EVL: variants seen among roughly 807,000 people sequenced by gnomAD.
EVL encodes Enah/Vasp-like, also known as ena/VASP-like protein.
In EVL, 21 loss-of-function variants were observed where a neutral mutation model predicts 59.6. The ratio of observed to expected loss-of-function variants is 0.35; its 90% CI spans 0.25 to 0.51. The LOEUF (loss-of-function observed/expected upper bound fraction) is 0.51. Among genes scored for constraint, EVL ranks in the 20% least tolerant of loss-of-function variants. EVL has a pLI of 0.97. For synonymous variants in EVL, 198 were observed against 203.5 expected (o/e 0.97, Z 0.23); for missense variants, 462 against 546.6 (o/e 0.85, Z 1.54).
At position 100,128,532 on chromosome 14, in the gene EVL, A is replaced by G. The variant is rs1262994674; in HGVS notation, c.501A>G (p.Pro167=). The G allele has an allele frequency of 6.2e-7, 1 of 1,611,360 alleles. No individual in the cohort carries two copies. ...RRTSATGPIL[P]PGHPSSAASA... ...GTTGTGTTTCAGGGCCCATCCTCCC[A>G]CCAGGACATCCTTCATCTGCAGCCA... is the stretch of plus-strand genomic sequence containing the variant. The change falls in exon 6 of 14, where the codon CCA becomes CCG. Residue 167 remains proline, a synonymous_variant. Coordinates refer to ENST00000392920, the MANE Select transcript of EVL (RefSeq NM_016337.3).
intron 1 of EVL, among the ~76,000 whole-genome samples, chr14:100,040,566 AAGG>A (rs1274100390): frequency 6.6e-6 from 1 of 152,198 alleles, no homozygotes; most frequent in Non-Finnish European, 1.5e-5. Context: ...CAACCTGAGA[AAGG>A]AGGTCTTCCT....
At chr14:100,136,074 G>T (rs560384400) in intron 9 of EVL, 106 bp downstream of exon 9, 439 of 1,300,210 alleles carry the variant, frequency 3.4e-4, no homozygotes, top group Non-Finnish European at 4.2e-4. Context: ...GTATGCCTGA[G>T]CAGAGGGCCA....
Position 100,108,528 on chromosome 14 carries a change from C to T in EVL, c.358+10870C>T, listed in dbSNP as rs1307926691. Among the ~76,000 whole-genome samples, 1 of 152,156 alleles carries T rather than the reference C, an allele frequency of 6.6e-6. No homozygotes were observed. The highest frequency in any genetic ancestry group is 2.4e-5 in the African/African-American group (1 of 41,434). ...CACTTTCTGAAAGCCGGATATGTCTCTTTGCTGACCCACCCCTGTTCTCAC... is the reference window on the plus strand; with the variant it reads ...CACTTTCTGAAAGCCGGATATGTCTTTTTGCTGACCCACCCCTGTTCTCAC... On this transcript the variant is annotated intron_variant, in intron 3 of 13. Transcript: ENST00000392920. This position sits in a 1 kb window ranked among gnomAD's most constrained non-coding sequence, Gnocchi z 4.1.
In EVL at chr14:100,126,779, C is replaced by A; in HGVS notation, c.487+8C>A. 6.2e-7 allele frequency: 1 copy of A among 1,613,140 alleles called. No individual in the cohort carries two copies. The highest frequency in any genetic ancestry group is 8.5e-7 in the Non-Finnish European group (1 of 1,179,700). ...GAAGAACCTCGGCCACAGGTGAGAG[C>A]CCTCCTCCCCTAGGGCCGACTCCCA... On this transcript the variant is annotated splice_region_variant and intron_variant, in intron 5 of 13. Transcript: ENST00000392920.
chr14:100,011,854 G>A (rs2061019045), intron 1 of EVL, among the ~76,000 whole-genome samples: 3 of 152,164 alleles, frequency 2.0e-5, no homozygotes. Flanking sequence ...TTTTGTTGTT[G>A]TTAATAGTAC....
chr14:100,097,846 TG>T (rs1197802090), intron 3 of EVL, 188 bp downstream of exon 3: 1 of 526,434 alleles, frequency 1.9e-6, no homozygotes, highest in Non-Finnish European at 3.3e-6. Context: ...GAGGAAAGAA[TG>T]GAGTTTGTAT....
intron 1 of EVL, among the ~76,000 whole-genome samples, chr14:100,015,742 T>C (rs1445918296): frequency 6.6e-6 from 1 of 152,154 alleles, no homozygotes; most frequent in East Asian, 1.9e-4. Flanking sequence ...CAGTTGTATG[T>C]ATTAGGGTTC....
chr14:100,083,965 C>T (rs372714734), intron 1 of EVL, among the ~76,000 whole-genome samples: 65 of 151,600 alleles, frequency 4.3e-4, no homozygotes, highest in African/African-American at 1.5e-3. Flanking sequence ...TTTTTCTCAT[C>T]TAAAAAAATG....
chr14:99,971,459 C>G (rs915641109), exon 1 of EVL: 1 of 151,880 alleles, frequency 6.6e-6, no homozygotes, highest in Non-Finnish European at 1.5e-5. Flanking sequence ...GGTGGGGCCC[C>G]GCGCCTTTTG....
At chr14:100,056,121 C>T (rs796069568) in intron 1 of EVL, among the ~76,000 whole-genome samples, 36 of 151,850 alleles carry the variant, frequency 2.4e-4, no homozygotes, top group African/African-American at 8.2e-4. Flanking sequence ...ACGTTGTTTT[C>T]GTATCAGTTC....
chr14:100,040,484 C>T (rs1173216591), intron 1 of EVL, among the ~76,000 whole-genome samples: 2 of 152,262 alleles, frequency 1.3e-5, no homozygotes, highest in East Asian at 1.9e-4. Context: ...TGTGGCTGCT[C>T]GTCTGCCCCT....
intron 1 of EVL, among the ~76,000 whole-genome samples, chr14:99,985,032 CGT>C (rs2140173350): frequency 6.6e-6 from 1 of 152,160 alleles, no homozygotes; most frequent in East Asian, 1.9e-4. Context: ...TATATAACAA[CGT>C]TAAGTTGTTA....
intron 1 of EVL, among the ~76,000 whole-genome samples, chr14:100,021,680 C>T (rs189427936): frequency 5.3e-5 from 8 of 152,172 alleles, no homozygotes; most frequent in African/African-American, 1.4e-4. Context: ...AGATCTGGGG[C>T]GAGGCCTAAG....
intron 1 of EVL, among the ~76,000 whole-genome samples, chr14:100,071,034 G>T (rs1013813540): frequency 1.3e-5 from 2 of 152,154 alleles, no homozygotes; most frequent in Non-Finnish European, 2.9e-5. Context: ...CCAACAGTTG[G>T]TTGGAGTGTT....
At chr14:100,085,723 T>G (rs568675481) in intron 2 of EVL, among the ~76,000 whole-genome samples, 74 of 152,288 alleles carry the variant, frequency 4.9e-4, no homozygotes, top group African/African-American at 1.7e-3. Context: ...GGGTTCTGTT[T>G]TTAGTGTGTT....
rs1888308306 is a variant in EVL, at chr14:100,129,689, G to T, written c.839+5G>T. On this transcript the variant is annotated splice_donor_5th_base_variant and intron_variant, in intron 7 of 13. Transcript: ENST00000392920. ...GAACAAACTGCTGGCCAAGAGGTGG[G>T]TCTCTACACCTCCCGAGACTTGGTG... 3.8e-6 allele frequency: 6 copies of T among 1,561,750 alleles called. No homozygotes were observed. Among genetic ancestry groups the T allele is most frequent in the Non-Finnish European group, 5.2e-6 (6 of 1,151,528 alleles).
intron 1 of EVL, among the ~76,000 whole-genome samples, chr14:100,067,654 C>T (rs1207822240): frequency 1.3e-5 from 2 of 152,190 alleles, no homozygotes; most frequent in Non-Finnish European, 2.9e-5. Flanking sequence ...AGTAACTTGA[C>T]AAGAGACATA....
intron 1 of EVL, among the ~76,000 whole-genome samples, chr14:100,022,096 A>G (rs1595571036): frequency 6.6e-6 from 1 of 152,028 alleles, no homozygotes. Flanking sequence ...GTTAGAATTA[A>G]ATGGGATAAT....
intron 1 of EVL, among the ~76,000 whole-genome samples, chr14:100,008,020 A>G (rs915855950): frequency 2.0e-5 from 3 of 152,170 alleles, no homozygotes; most frequent in Non-Finnish European, 4.4e-5. Flanking sequence ...CTCATTTCCC[A>G]GTCGCCACTG....
Sources: allele counts gnomAD v4.1 joint callset (sites outside exome capture counted in the v4.1 genomes callset), GRCh38; gene constraint gnomAD v4.1.1; non-coding constraint Gnocchi (gnomAD v3.1); transcripts MANE v1.5; gene names NCBI Gene and HGNC (gene_info 2026-07-23, HGNC 2026-07-21).